The following NELL1 variants were observed in gnomAD, a reference collection of about 807,000 sequenced individuals.
NELL1 encodes protein kinase C-binding protein NELL1.
A neutral mutation model predicts 107.4 loss-of-function variants in NELL1; 76 were observed. The ratio of observed to expected loss-of-function variants is 0.71; its 90% CI spans 0.59 to 0.86. The LOEUF is 0.86. Among genes scored for constraint, NELL1 ranks in the 40% least tolerant of loss-of-function variants. NELL1 has a pLI of 0.00. For missense variants in NELL1, 1,024 were observed against 1,005.5 expected (o/e 1.02, Z -0.25); for synonymous variants, 353 against 341.2 (o/e 1.03, Z -0.38).
chr11:20,970,873 A>G (rs1284020880), intron 12 of NELL1, among the ~76,000 whole-genome samples: 3 of 150,092 alleles, frequency 2.0e-5, no homozygotes, highest in East Asian at 1.9e-4. Flanking sequence ...TGGGTTATGG[A>G]AAAAAAAATT....
intron 14 of NELL1, among the ~76,000 whole-genome samples, chr11:21,246,588 A>C (rs1022609667): frequency 2.6e-5 from 4 of 152,264 alleles, no homozygotes; most frequent in South Asian, 4.1e-4. Context: ...AGACTCTACG[A>C]TATGGCCTAT....
At chr11:20,740,600 C>T (rs530694135) in intron 2 of NELL1, among the ~76,000 whole-genome samples, 34 of 152,292 alleles carry the variant, frequency 2.2e-4, no homozygotes, top group Admixed American at 2.0e-3. Flanking sequence ...CAGATTGCTG[C>T]TGATGCTGGT....
At chr11:21,053,852 G>A (rs1250364128) in intron 12 of NELL1, among the ~76,000 whole-genome samples, 7 of 152,120 alleles carry the variant, frequency 4.6e-5, no homozygotes, top group East Asian at 3.9e-4. Context: ...CCTTTCTGGA[G>A]CGAATGTGTC....
intron 12 of NELL1, among the ~76,000 whole-genome samples, chr11:21,076,651 T>G (rs1854143432): frequency 6.6e-6 from 1 of 152,210 alleles, no homozygotes; most frequent in Non-Finnish European, 1.5e-5. Flanking sequence ...AAACTCATGT[T>G]GAAATTTGAT....
chr11:20,960,555 G>C lies in NELL1; in HGVS notation c.1295G>C (p.Cys432Ser). Residue 432 changes from cysteine to serine, a missense_variant, in exon 12 of 20, where the codon TGT (cysteine) becomes TCT (serine). Coordinates refer to ENST00000357134, the MANE Select transcript of NELL1 (RefSeq NM_006157.5). ...YISVQGDSAY[C>S]EDIDECAAKM... ...TCTGTCCAGGGAGACTCTGCCTACTGTGAAGGTAAGTAAGCTATTTAATGA... is the reference window on the plus strand; with the variant it reads ...TCTGTCCAGGGAGACTCTGCCTACTCTGAAGGTAAGTAAGCTATTTAATGA... The C allele has an allele frequency of 1.9e-6, 3 of 1,613,848 alleles. No homozygotes were observed. The highest frequency in any genetic ancestry group is 2.5e-6 in the Non-Finnish European group (3 of 1,179,802).
chr11:20,716,800 G>C (rs964912164), intron 2 of NELL1, among the ~76,000 whole-genome samples: 1 of 152,132 alleles, frequency 6.6e-6, no homozygotes, highest in Admixed American at 6.5e-5. Flanking sequence ...TTGTTCTGTG[G>C]ATTAAGCAAA....
intron 13 of NELL1, among the ~76,000 whole-genome samples, chr11:21,188,381 A>G (rs1856978044): frequency 6.6e-6 from 1 of 151,476 alleles, no homozygotes; most frequent in African/African-American, 2.4e-5. Context: ...TTTATCCACA[A>G]CTCTGCAAAT....
chr11:20,793,143 G>A (rs191681456), intron 3 of NELL1, among the ~76,000 whole-genome samples: 10 of 151,934 alleles, frequency 6.6e-5, no homozygotes, highest in Admixed American at 3.3e-4. Context: ...TTTGGTCTTG[G>A]GGAAGCTGGA....
intron 3 of NELL1, among the ~76,000 whole-genome samples, chr11:20,809,908 T>G (rs1896938): frequency 6.6e-6 from 1 of 152,188 alleles, no homozygotes; most frequent in Non-Finnish European, 1.5e-5. Context: ...CATATGGTAG[T>G]TATATTTTTA....
At chr11:21,208,424 T>A (rs1028184090) in intron 13 of NELL1, among the ~76,000 whole-genome samples, 46 of 150,142 alleles carry the variant, frequency 3.1e-4, no homozygotes, top group Non-Finnish European at 4.9e-4. Context: ...ATGATGGATA[T>A]ATATTATATA....
chr11:21,536,496 C>T (rs1390927297), intron 16 of NELL1, among the ~76,000 whole-genome samples: 1 of 152,152 alleles, frequency 6.6e-6, no homozygotes, highest in Non-Finnish European at 1.5e-5. Context: ...TTCTTTGATG[C>T]CTTCCAAAGA....
chr11:21,321,056 C>T (rs936089159), intron 14 of NELL1, among the ~76,000 whole-genome samples: 2 of 152,316 alleles, frequency 1.3e-5, no homozygotes, highest in Admixed American at 6.5e-5. Context: ...TTAATTTCCA[C>T]AGGTTCTAGG....
rs1023488263 is a variant in NELL1, at chr11:21,002,610, C to T, written c.1300+42050C>T. Among the ~76,000 whole-genome samples the T allele has an allele frequency of 5.3e-5, 8 of 152,256 alleles. No homozygotes were observed. The East Asian group carries it at 1.5e-3, about 29-fold the overall frequency. On this transcript the variant is annotated intron_variant, in intron 12 of 19. Transcript: ENST00000357134. ...ATTAAACCTGCCTCTACATTCCATC[C>T]AACAACAGTCTACCCTGCTCCATCC...
In NELL1 at chr11:20,946,335, G is replaced by A. The variant is rs977618907; in HGVS notation, c.1072-1001G>A. ...TGACTTAAGCATCCCCTTAAAAATG[G>A]GAGAGAAAAAGTAAATGTTTTAGAT... On this transcript the variant is annotated intron_variant, in intron 10 of 19. Transcript: ENST00000357134. 2.0e-5 allele frequency among the ~76,000 whole-genome samples: 3 copies of A among 151,972 alleles called. No individual in the cohort carries two copies. In the East Asian group the frequency reaches 5.8e-4, roughly 29 times the overall value.
intron 19 of NELL1, 124 bp from the exon 20 acceptor site, chr11:21,574,848 A>T: frequency 3.9e-6 from 3 of 764,082 alleles, no homozygotes; most frequent in Non-Finnish European, 2.2e-6. Context: ...TTTTCTAGTC[A>T]TTTTTTATAG....
At chr11:21,144,959 C>A (rs962661016) in intron 13 of NELL1, among the ~76,000 whole-genome samples, 2 of 152,066 alleles carry the variant, frequency 1.3e-5, no homozygotes, top group African/African-American at 4.8e-5. Context: ...TACCTTGGGG[C>A]AAATCATTTT....
intron 11 of NELL1, among the ~76,000 whole-genome samples, chr11:20,959,428 G>C (rs537703297): frequency 3.7e-4 from 57 of 152,198 alleles, no homozygotes; most frequent in Middle Eastern, 6.8e-3. Context: ...CAACCCAAAT[G>C]CCCATCAATC....
At position 21,117,007 on chromosome 11, in the gene NELL1, G is replaced by A. The variant is rs79808686; in HGVS notation, c.1426+3293G>A. 9.8e-3 allele frequency among the ~76,000 whole-genome samples: 1,488 copies of A among 151,724 alleles called. 66 individuals are homozygous for A. In the East Asian group the frequency reaches 0.12, roughly 12 times the overall value. On this transcript the variant is annotated intron_variant, in intron 13 of 19. Transcript: ENST00000357134. The stretch of plus-strand genomic sequence containing the variant: ...CCTTCTTTCCCTTCTGTCTTTTACC[G>A]TTTCTTTCCTTGTCCATTATGACAT...
Position 20,735,548 on chromosome 11 carries a change from T to A in NELL1, c.185-48132T>A, listed in dbSNP as rs115685067. Among the ~76,000 whole-genome samples the A allele has an allele frequency of 3.0e-3, 459 of 152,178 alleles. 1 individual carries two copies. The highest frequency in any genetic ancestry group is 0.01 in the African/African-American group (433 of 41,502). ...CATGATTAAATTACCTCCAACCAGGTCCCTCCTACAATATGTGGGGATTAT... is the reference window on the plus strand; with the variant it reads ...CATGATTAAATTACCTCCAACCAGGACCCTCCTACAATATGTGGGGATTAT... On this transcript the variant is annotated intron_variant, in intron 2 of 19. Coordinates refer to ENST00000357134, the MANE Select transcript of NELL1 (RefSeq NM_006157.5).
Sources: gnomAD v4.1 joint callset for allele counts (sites outside exome capture counted in the v4.1 genomes callset) on GRCh38, gnomAD v4.1.1 for gene constraint, MANE v1.5 for transcripts, NCBI Gene and HGNC (gene_info 2026-07-23, HGNC 2026-07-21) for gene names.